Variants in GSTA2 observed in about 807,000 individuals in gnomAD.
GSTA2 encodes the protein glutathione S-transferase A2.
A neutral mutation model predicts 22.4 loss-of-function variants in GSTA2; 27 were observed. The ratio of observed to expected loss-of-function variants is 1.21; its 90% confidence interval spans 0.89 to 1.67. GSTA2 has a LOEUF of 1.67. Among genes scored for constraint, GSTA2 ranks in the 40% most tolerant of loss-of-function variants. The probability of loss-of-function intolerance (pLI) is 0.00; values close to 1 mark genes in which losing one functional copy is unlikely to be tolerated. For synonymous variants in GSTA2, 121 were observed against 86.8 expected, an observed-to-expected ratio of 1.39 and a Z score of -2.19; for missense variants, 302 against 260.2, an observed-to-expected ratio of 1.16 and a Z score of -1.11.
rs1762721118 is a variant in GSTA2 at position 52,750,708 on chromosome 6, C to T, written c.547-9G>A. ...ATTCTGGTTTTCAGGGCCTGTAATCCACAAAGCACAGCCTCACTAAAACAA... is the reference window on the plus strand; with the variant it reads ...ATTCTGGTTTTCAGGGCCTGTAATCTACAAAGCACAGCCTCACTAAAACAA... On this transcript the variant is annotated splice_polypyrimidine_tract_variant and intron_variant, in intron 6 of 6. Transcript: ENST00000493422. 1 of 1,611,906 alleles carries T rather than the reference C, an allele frequency of 6.2e-7. No individual in the cohort carries two copies. The highest frequency in any genetic ancestry group is 8.5e-7 in the Non-Finnish European group (1 of 1,179,648).
Position 52,754,970 on chromosome 6 carries a change from T to A in GSTA2, c.245A>T (p.Tyr82Phe). ...LNYIASKYNL[Y>F]GKDIKEKALI... ...GGCTTTCTCCTTTATGTCTTTCCCA[T>A]AGAGGTTGTATTTGCTGGCAATGTA... The change falls in exon 4 of 7, where the codon TAT (tyrosine) becomes TTT (phenylalanine). Residue 82 changes from tyrosine (Y) to phenylalanine (F), a missense_variant. By Grantham distance (22) the Tyr-to-Phe change is conservative (BLOSUM62 3). Coordinates refer to ENST00000493422, the MANE Select transcript of GSTA2 (RefSeq NM_000846.5). 6.2e-7 allele frequency: 1 copy of A among 1,614,058 alleles called. No homozygotes were observed. Among genetic ancestry groups the A allele is most frequent in the Non-Finnish European group, 8.5e-7 (1 of 1,179,984 alleles).
intron 1 of GSTA2, among the ~76,000 whole-genome samples, chr6:52,759,823 A>T (rs1309574820): frequency 7.9e-5 from 12 of 152,088 alleles, no homozygotes; most frequent in Admixed American, 3.3e-4. Flanking sequence ...ACCCCAGGTG[A>T]TCCACTCACT....
intron 1 of GSTA2, among the ~76,000 whole-genome samples, chr6:52,762,286 G>C (rs1209247056): frequency 6.6e-6 from 1 of 152,134 alleles, no homozygotes; most frequent in Non-Finnish European, 1.5e-5. Context: ...AAAAGAGGAA[G>C]GCCTCTTTGC....
intron 6 of GSTA2, 29 bp downstream of exon 6, chr6:52,751,548 G>T (rs1762736547): frequency 6.2e-7 from 1 of 1,613,486 alleles, no homozygotes; most frequent in African/African-American, 1.3e-5. Context: ...ATGTGGGTCT[G>T]CCTCTCTGAA....
chr6:52,755,942 A>G (rs2474462), intron 3 of GSTA2, among the ~76,000 whole-genome samples: 119,719 of 152,004 alleles, frequency 0.79, 48,220 homozygotes, highest in East Asian at 1. Flanking sequence ...GCTTGGATGG[A>G]GAGGGCTGTA....
At chr6:52,761,295 T>G (rs1762945779) in intron 1 of GSTA2, among the ~76,000 whole-genome samples, 1 of 152,156 alleles carries the variant, frequency 6.6e-6, no homozygotes, top group Non-Finnish European at 1.5e-5. Context: ...TATCCACCAA[T>G]TATTTTACCA....
At chr6:52,761,794 G>C (rs763956756) in intron 1 of GSTA2, among the ~76,000 whole-genome samples, 3 of 150,480 alleles carry the variant, frequency 2.0e-5, no homozygotes, top group Non-Finnish European at 2.9e-5. Context: ...AGAGAGGGAG[G>C]GGGGCTACAA....
chr6:52,760,437 G>T (rs933334890), intron 1 of GSTA2, among the ~76,000 whole-genome samples: 1 of 152,164 alleles, frequency 6.6e-6, no homozygotes, highest in African/African-American at 2.4e-5. Flanking sequence ...GATTTGCCAT[G>T]GGTCATACAC....
At chr6:52,754,843 G>A in intron 4 of GSTA2, 100 bp downstream of exon 4, 1 of 1,508,102 alleles carries the variant, frequency 6.6e-7, no homozygotes. Context: ...GGCCCAGCCT[G>A]CTGCTGGTCT....
At chr6:52,750,756 A>G (rs1414895529) in intron 6 of GSTA2, 57 bp from the exon 7 acceptor site, 8 of 1,595,854 alleles carry the variant, frequency 5.0e-6, no homozygotes, top group East Asian at 2.2e-5. Context: ...TGACACCCCC[A>G]TTAACATGAC....
intron 2 of GSTA2, among the ~76,000 whole-genome samples, chr6:52,756,790 G>T (rs2180317): frequency 4.6e-5 from 7 of 152,216 alleles, no homozygotes; most frequent in African/African-American, 7.2e-5. Context: ...CCCTGCTAAG[G>T]GTGACATAGG....
In GSTA2 at chr6:52,750,602, T is replaced by C; in HGVS notation, c.644A>G (p.Glu215Gly). The C allele has an allele frequency of 1.2e-6, 2 of 1,613,958 alleles. No homozygotes were observed. The highest frequency in any genetic ancestry group is 1.7e-6 in the Non-Finnish European group (2 of 1,179,864). The change falls in exon 7 of 7, where the codon GAA becomes GGA. Residue 215 changes from glutamate (E) to glycine (G), a missense_variant. Transcript: ENST00000493422. ...TTAAAACCTGAAAATCTTCCTTGAT[T>C]CTTCTAAAGATTTCTCATCCATGGG... ...KPPMDEKSLE[E>G]SRKIFRF
At chr6:52,753,027 A>G in intron 4 of GSTA2, 32 bp from the exon 5 acceptor site, 3 of 1,567,826 alleles carry the variant, frequency 1.9e-6, no homozygotes, top group Non-Finnish European at 8.6e-7. Flanking sequence ...ATGGTCAAAT[A>G]TCTTTTGCCT....
chr6:52,754,818 A>G, intron 4 of GSTA2, 125 bp downstream of exon 4: 1 of 1,246,926 alleles, frequency 8.0e-7, no homozygotes, highest in Non-Finnish European at 1.1e-6. Context: ...ACTGGACCTC[A>G]GCGTGCATGC....
At position 52,750,600 on chromosome 6, in the gene GSTA2, A is replaced by G. The variant is rs778463893; in HGVS notation, c.646T>C (p.Ser216Pro). The G allele has an allele frequency of 1.2e-6, 2 of 1,613,928 alleles. No homozygotes were observed. Among genetic ancestry groups the G allele is most frequent in the East Asian group, 2.2e-5 (1 of 44,882 alleles). The change falls in exon 7 of 7, where the codon TCA becomes CCA. Residue 216 changes from serine (S) to proline (P), a missense_variant. Ser to Pro is a moderately conservative substitution (Grantham distance 74). Coordinates refer to ENST00000493422, the MANE Select transcript of GSTA2 (RefSeq NM_000846.5). ...PPMDEKSLEE[S>P]RKIFRF Reference sequence around the variant, plus strand: ...TATTAAAACCTGAAAATCTTCCTTGATTCTTCTAAAGATTTCTCATCCATG... The same window carrying G: ...TATTAAAACCTGAAAATCTTCCTTGGTTCTTCTAAAGATTTCTCATCCATG...
In GSTA2 at chr6:52,750,529, A is replaced by C; in HGVS notation, c.*48T>G. The C allele has an allele frequency of 6.3e-7, 1 of 1,599,888 alleles. No individual in the cohort carries two copies. The highest frequency in any genetic ancestry group is 8.5e-7 in the Non-Finnish European group (1 of 1,170,794). On this transcript the variant is annotated 3_prime_UTR_variant, in exon 7 of 7. Coordinates refer to ENST00000493422, the MANE Select transcript of GSTA2 (RefSeq NM_000846.5). The stretch of plus-strand genomic sequence containing the variant: ...AGGTAAAGCACTTAATTGTTGCAAA[A>C]CTTTAGAATACTGGTCTTGCATGTT...
intron 4 of GSTA2, among the ~76,000 whole-genome samples, chr6:52,754,736 C>G (rs1213666034): frequency 2.6e-5 from 4 of 152,112 alleles, no homozygotes; most frequent in Non-Finnish European, 5.9e-5. Context: ...GGACTGCATC[C>G]TCTTCTAGAA....
intron 1 of GSTA2, among the ~76,000 whole-genome samples, chr6:52,761,795 G>A (rs1483526414): frequency 6.6e-6 from 1 of 150,530 alleles, no homozygotes; most frequent in African/African-American, 2.4e-5. Context: ...GAGAGGGAGG[G>A]GGGCTACAAA....
At chr6:52,753,555 C>T (rs2127286078) in intron 4 of GSTA2, among the ~76,000 whole-genome samples, 2 of 152,328 alleles carry the variant, frequency 1.3e-5, no homozygotes, top group African/African-American at 4.8e-5. Flanking sequence ...GTTTCCACAG[C>T]CCTCTCCATG....
Sources: gnomAD v4.1 joint callset for allele counts (sites outside exome capture counted in the v4.1 genomes callset) on GRCh38, gnomAD v4.1.1 for gene constraint, MANE v1.5 for transcripts, NCBI Gene and HGNC (gene_info 2026-07-23, HGNC 2026-07-21) for gene names.